Variants in RFTN1 observed in about 807,000 individuals in gnomAD.
RFTN1 encodes raftlin.
Under a neutral mutation model 46.5 loss-of-function variants are expected in RFTN1, and 26 were observed. The observed-to-expected ratio is 0.56, with a 90% CI of 0.41 to 0.78. The LOEUF (loss-of-function observed/expected upper bound fraction) is 0.78. RFTN1 is among the 30% of genes least tolerant of loss of function. The probability of loss-of-function intolerance (pLI) is 0.00; values close to 1 mark genes in which losing one functional copy is unlikely to be tolerated. For synonymous variants in RFTN1, 261 were observed against 284.2 expected (o/e 0.92, Z 0.82); for missense variants, 693 against 718.7 (o/e 0.96, Z 0.41).
chr3:16,367,012 G>C (rs796975070), intron 6 of RFTN1, among the ~76,000 whole-genome samples: 1 of 149,966 alleles, frequency 6.7e-6, no homozygotes, highest in Non-Finnish European at 1.5e-5. Flanking sequence ...GGCATGGGGA[G>C]GGGAGTAATG....
rs570061549 is a variant in RFTN1, at chr3:16,492,153, C to T, written c.145+1572G>A. Among the ~76,000 whole-genome samples, 60 of 152,234 alleles carry T rather than the reference C, an allele frequency of 3.9e-4. 1 individual carries two copies. In the South Asian group the frequency reaches 0.011, roughly 27 times the overall value. On this transcript the variant is annotated intron_variant, in intron 2 of 9. Coordinates refer to ENST00000334133, the MANE Select transcript of RFTN1 (RefSeq NM_015150.2). ...GGCATGACTGACCCATCAAGGGCACCGGAAGGGAGCAATCTGAAAAGGAAG... is the reference window on the plus strand; with the variant it reads ...GGCATGACTGACCCATCAAGGGCACTGGAAGGGAGCAATCTGAAAAGGAAG...
At chr3:16,394,761 G>A (rs1287240587) in intron 4 of RFTN1, among the ~76,000 whole-genome samples, 3 of 152,142 alleles carry the variant, frequency 2.0e-5, no homozygotes, top group Admixed American at 2.0e-4. Flanking sequence ...GCAATGTGAA[G>A]TGTTTCCATT....
At position 16,353,685 on chromosome 3, in the gene RFTN1, C is replaced by T. The variant is rs147738935; in HGVS notation, c.1146+4247G>A. ...GTAATTAAGGTTAAATGAAGTCATA[C>T]GCATGGGACCCTGATTGAACAGGAT... On this transcript the variant is annotated intron_variant, in intron 7 of 9. Transcript: ENST00000334133. The surrounding 1 kb of genome is among the most constrained non-coding windows in gnomAD (Gnocchi z 5.4). 3.9e-5 allele frequency among the ~76,000 whole-genome samples: 6 copies of T among 152,264 alleles called. No individual in the cohort carries two copies. Among genetic ancestry groups the T allele is most frequent in the South Asian group, 2.1e-4 (1 of 4,822 alleles).
At position 16,471,254 on chromosome 3, in the gene RFTN1, T is replaced by C. The variant is rs188193375; in HGVS notation, c.145+22471A>G. 2.8e-4 allele frequency among the ~76,000 whole-genome samples: 43 copies of C among 152,258 alleles called. 1 individual carries two copies. The highest frequency in any genetic ancestry group is 3.8e-4 in the Non-Finnish European group (26 of 68,016). ...CCACAAATCATTTTAAAACGCAAAA[T>C]GGGCCACATGTCACAGTCTACTTTA... is the stretch of plus-strand genomic sequence containing the variant. On this transcript the variant is annotated intron_variant, in intron 2 of 9. Transcript: ENST00000334133.
chr3:16,469,076 C>T (rs1279205681), intron 2 of RFTN1, among the ~76,000 whole-genome samples: 2 of 152,238 alleles, frequency 1.3e-5, no homozygotes, highest in Non-Finnish European at 2.9e-5. Flanking sequence ...ACAAGAATAA[C>T]AGTGTCCTTA....
At chr3:16,455,982 C>T (rs1362024677) in intron 2 of RFTN1, among the ~76,000 whole-genome samples, 1 of 151,168 alleles carries the variant, frequency 6.6e-6, no homozygotes, top group Non-Finnish European at 1.5e-5. Context: ...CGCCCCCACC[C>T]CCGTCTCTGC....
At chr3:16,379,260 T>G (rs944680422) in intron 4 of RFTN1, among the ~76,000 whole-genome samples, 2 of 152,226 alleles carry the variant, frequency 1.3e-5, no homozygotes, top group African/African-American at 4.8e-5. Flanking sequence ...TGACATTAAA[T>G]GGAAAGTCAT....
chr3:16,323,244 G>C, intron 9 of RFTN1, 132 bp downstream of exon 9: 1 of 655,284 alleles, frequency 1.5e-6, no homozygotes, highest in Non-Finnish European at 2.7e-6. Context: ...GGGTTGCCAG[G>C]GGCTCAGGTG....
rs1321406266 is a variant in RFTN1 at position 16,481,674 on chromosome 3, T to A, written c.145+12051A>T. On this transcript the variant is annotated intron_variant, in intron 2 of 9. Coordinates refer to ENST00000334133, the MANE Select transcript of RFTN1 (RefSeq NM_015150.2). The surrounding 1 kb of genome is among the most constrained non-coding windows in gnomAD (Gnocchi z 5.1). ...AAAACTCTGCTACACAATTTATTAA[T>A]GAACAGTGAAAAGAAACAGAAGCCA... Among the ~76,000 whole-genome samples, 1 of 152,200 alleles carries A rather than the reference T, an allele frequency of 6.6e-6. No individual in the cohort carries two copies. Among genetic ancestry groups the A allele is most frequent in the Non-Finnish European group, 1.5e-5 (1 of 68,030 alleles).
In RFTN1 at chr3:16,345,809, TGTGTGTGTGC is replaced by T. The variant is rs1201562195; in HGVS notation, c.1146+12113_1146+12122del. On this transcript the variant is annotated intron_variant, in intron 7 of 9. Transcript: ENST00000334133. The surrounding 1 kb of genome is among the most constrained non-coding windows in gnomAD (Gnocchi z 5.2). ...ATCTCTGTGTGTGTGTGTGTGTGTGTGTGTGTGTGCGCGCGCGCGTGCGCGCACGCGCACA... is the reference window on the plus strand; with the variant it reads ...ATCTCTGTGTGTGTGTGTGTGTGTGTGCGCGCGCGTGCGCGCACGCGCACA... Among the ~76,000 whole-genome samples the T allele has an allele frequency of 1.2e-5, 1 of 85,798 alleles. No homozygotes were observed. The highest frequency in any genetic ancestry group is 7.2e-5 in the African/African-American group (1 of 13,810). 56.3% of individuals were successfully genotyped at this position (85,798 alleles called of 152,430 possible).
intron 7 of RFTN1, among the ~76,000 whole-genome samples, chr3:16,357,543 G>A (rs1249391122): frequency 6.6e-6 from 1 of 152,210 alleles, no homozygotes; most frequent in East Asian, 1.9e-4. Context: ...ATAACTCTAA[G>A]GATAGCTGCA....
chr3:16,337,930 G>T lies in RFTN1; in HGVS notation c.1147-11054C>A, dbSNP rs1415368313. On this transcript the variant is annotated intron_variant, in intron 7 of 9. Transcript: ENST00000334133. This position sits in a 1 kb window ranked among gnomAD's most constrained non-coding sequence, Gnocchi z 5.0. ...TCTGGAGCCCTGAAGTCTAATTTAT[G>T]ATAACCTACTGTGAGGCCCAGCAGT... is the stretch of plus-strand genomic sequence containing the variant. 6.6e-6 allele frequency among the ~76,000 whole-genome samples: 1 copy of T among 152,098 alleles called. No individual in the cohort carries two copies. Among genetic ancestry groups the T allele is most frequent in the Non-Finnish European group, 1.5e-5 (1 of 68,022 alleles).
At chr3:16,417,253 G>A (rs1191744425) in intron 3 of RFTN1, among the ~76,000 whole-genome samples, 2 of 151,544 alleles carry the variant, frequency 1.3e-5, no homozygotes, top group Admixed American at 1.3e-4. Context: ...TCCCGCCTCA[G>A]CCTCCTAAAG....
At chr3:16,437,489 T>A (rs1382827985) in intron 2 of RFTN1, among the ~76,000 whole-genome samples, 1 of 151,958 alleles carries the variant, frequency 6.6e-6, no homozygotes, top group Non-Finnish European at 1.5e-5. Flanking sequence ...CAAAACTCCA[T>A]CTGTACAAAA....
Position 16,437,442 on chromosome 3 carries a change from T to G in RFTN1, c.146-3405A>C, listed in dbSNP as rs571555958. Among the ~76,000 whole-genome samples the G allele has an allele frequency of 3.3e-5, 5 of 152,204 alleles. No individual in the cohort carries two copies. The East Asian group carries it at 7.7e-4, about 24-fold the overall frequency. The stretch of plus-strand genomic sequence containing the variant: ...CACCCTGCCCTCAAGGAGAATCGCT[T>G]GAGCCCAGGAGTTTGAGACTAGCCT... On this transcript the variant is annotated intron_variant, in intron 2 of 9. Coordinates refer to ENST00000334133, the MANE Select transcript of RFTN1 (RefSeq NM_015150.2).
chr3:16,437,976 T>C lies in RFTN1; in HGVS notation c.146-3939A>G, dbSNP rs138102917. 6.0e-3 allele frequency among the ~76,000 whole-genome samples: 909 copies of C among 152,144 alleles called. 3 individuals carry two copies. The highest frequency in any genetic ancestry group is 9.8e-3 in the Non-Finnish European group (669 of 67,998). ...AAACTGAATGTACTTTTGGTAGGAG[T>C]GTAGGGCTTTATGGAAGGCAACTGC... On this transcript the variant is annotated intron_variant, in intron 2 of 9. Coordinates refer to ENST00000334133, the MANE Select transcript of RFTN1 (RefSeq NM_015150.2).
In RFTN1 at chr3:16,383,785, G is replaced by A. The variant is rs1457093534; in HGVS notation, c.442-5683C>T. On this transcript the variant is annotated intron_variant, in intron 4 of 9. Coordinates refer to ENST00000334133, the MANE Select transcript of RFTN1 (RefSeq NM_015150.2). This position sits in a 1 kb window ranked among gnomAD's most constrained non-coding sequence, Gnocchi z 4.0. ...GGAACATAGGAAAAGGAAGAGAAAA[G>A]CCTCCTGCTCACAGGTCAATAGGGA... Among the ~76,000 whole-genome samples the A allele has an allele frequency of 6.6e-6, 1 of 152,182 alleles. No homozygotes were observed. The highest frequency in any genetic ancestry group is 1.5e-5 in the Non-Finnish European group (1 of 68,016).
rs1157401780 is a variant in RFTN1 at position 16,499,448 on chromosome 3, G to T, written c.-8-5571C>A. ...GAAGCTCAAGTAGCCCCAAAGAGGG[G>T]CCCATGTGGAGAGGAACCGACAGCC... On this transcript the variant is annotated intron_variant, in intron 1 of 9. Coordinates refer to ENST00000334133, the MANE Select transcript of RFTN1 (RefSeq NM_015150.2). The surrounding 1 kb of genome is among the most constrained non-coding windows in gnomAD (Gnocchi z 4.9). Among the ~76,000 whole-genome samples, 1 of 152,234 alleles carries T rather than the reference G, an allele frequency of 6.6e-6. No individual in the cohort carries two copies. The highest frequency in any genetic ancestry group is 2.4e-5 in the African/African-American group (1 of 41,452).
At chr3:16,462,206 G>A (rs1396455390) in intron 2 of RFTN1, among the ~76,000 whole-genome samples, 2 of 152,190 alleles carry the variant, frequency 1.3e-5, no homozygotes. Flanking sequence ...AAGGGAACCT[G>A]ATTTATAGAG....
Sources: gnomAD v4.1 joint callset for allele counts (sites outside exome capture counted in the v4.1 genomes callset) on GRCh38, gnomAD v4.1.1 for gene constraint, Gnocchi (gnomAD v3.1) non-coding constraint, MANE v1.5 for transcripts, NCBI Gene and HGNC (gene_info 2026-07-23, HGNC 2026-07-21) for gene names.